The following PTPN14 variants were observed in gnomAD, a reference collection of about 807,000 sequenced individuals.
PTPN14 encodes protein tyrosine phosphatase non-receptor type 14, also known as tyrosine-protein phosphatase non-receptor type 14.
Under a neutral mutation model 126.8 loss-of-function variants are expected in PTPN14, and 53 were observed. The ratio of observed to expected loss-of-function variants is 0.42; its 90% confidence interval spans 0.34 to 0.53. The LOEUF (loss-of-function observed/expected upper bound fraction) is 0.53. Ranked by LOEUF, PTPN14 falls within the 20% of genes least tolerant of loss-of-function variation. The probability of loss-of-function intolerance (pLI) is 0.08; values close to 1 mark genes in which losing one functional copy is unlikely to be tolerated. For missense variants in PTPN14, 1,257 were observed against 1,552.9 expected, an observed-to-expected ratio of 0.81 and a Z score of 3.20; for synonymous variants, 630 against 599.3, an observed-to-expected ratio of 1.05 and a Z score of -0.75.
At chr1:214,393,405 T>C (rs1658802836) in intron 10 of PTPN14, among the ~76,000 whole-genome samples, 1 of 152,198 alleles carries the variant, frequency 6.6e-6, no homozygotes, top group Admixed American at 6.5e-5. Flanking sequence ...GCACCGCTTC[T>C]CCAAACTTCT....
At chr1:214,441,942 A>G (rs984051809) in intron 3 of PTPN14, among the ~76,000 whole-genome samples, 4 of 152,370 alleles carry the variant, frequency 2.6e-5, no homozygotes, top group African/African-American at 9.6e-5. Flanking sequence ...ACTAATAAAG[A>G]ACAATTTGGA....
intron 16 of PTPN14, 42 bp downstream of exon 16, chr1:214,372,669 T>C (rs1229272548): frequency 6.2e-7 from 1 of 1,613,100 alleles, no homozygotes; most frequent in South Asian, 1.1e-5. Flanking sequence ...GGCCACCCTT[T>C]CCCCTGGGGA....
At chr1:214,540,637 C>T (rs899270816) in intron 1 of PTPN14, among the ~76,000 whole-genome samples, 2 of 152,128 alleles carry the variant, frequency 1.3e-5, no homozygotes, top group African/African-American at 4.8e-5. Flanking sequence ...TACTTCCCAA[C>T]TGGGACTCAC....
intron 1 of PTPN14, among the ~76,000 whole-genome samples, chr1:214,519,879 CT>C (rs1655199816): frequency 6.6e-6 from 1 of 151,408 alleles, no homozygotes; most frequent in Non-Finnish European, 1.5e-5. Flanking sequence ...AAAGTTCTGT[CT>C]CTACAAAAAA....
intron 18 of PTPN14, 105 bp from the exon 19 acceptor site, chr1:214,358,155 G>T: frequency 7.2e-7 from 1 of 1,392,762 alleles, no homozygotes; most frequent in Non-Finnish European, 9.7e-7. Context: ...CCATGTCCAG[G>T]TACAAGAGAA....
At chr1:214,494,578 A>C (rs1442803144) in intron 1 of PTPN14, among the ~76,000 whole-genome samples, 2 of 152,200 alleles carry the variant, frequency 1.3e-5, no homozygotes, top group Admixed American at 6.5e-5. Flanking sequence ...GTTGTGGTGC[A>C]TTGTTATTGT....
chr1:214,536,361 T>C (rs1381961190), intron 1 of PTPN14, among the ~76,000 whole-genome samples: 5 of 152,032 alleles, frequency 3.3e-5, no homozygotes, highest in Non-Finnish European at 5.9e-5. Context: ...TGAGCTATAA[T>C]CACACCACTG....
At chr1:214,369,428 G>A in intron 17 of PTPN14, 29 bp downstream of exon 17, 1 of 1,588,634 alleles carries the variant, frequency 6.3e-7, no homozygotes, top group Non-Finnish European at 8.6e-7. Context: ...AAGTCAGTCA[G>A]GTAGCAGACT....
chr1:214,511,713 T>G (rs1299446699), intron 1 of PTPN14, among the ~76,000 whole-genome samples: 2 of 152,148 alleles, frequency 1.3e-5, no homozygotes, highest in African/African-American at 4.8e-5. Context: ...GAAGAGATAT[T>G]TGCACACCCA....
intron 1 of PTPN14, among the ~76,000 whole-genome samples, chr1:214,505,017 A>G (rs546312265): frequency 6.6e-6 from 1 of 152,276 alleles, no homozygotes; most frequent in East Asian, 1.9e-4. Flanking sequence ...GAAAAAGTAG[A>G]TGAATTCTGT....
chr1:214,403,365 C>G (rs893087080), intron 5 of PTPN14, among the ~76,000 whole-genome samples: 6 of 152,322 alleles, frequency 3.9e-5, no homozygotes, highest in African/African-American at 1.2e-4. Flanking sequence ...TAGGAAGGGA[C>G]TGTGCCAGGC....
intron 1 of PTPN14, among the ~76,000 whole-genome samples, chr1:214,465,971 T>TTTTTTTTTTTTTG (rs1660628103): frequency 6.5e-5 from 9 of 138,130 alleles, no homozygotes; most frequent in Non-Finnish European, 4.6e-5. Context: ...TTTTTTTTTT[T>TTTTTTTTTTTTTG]GTGAAGACGG....
intron 5 of PTPN14, among the ~76,000 whole-genome samples, chr1:214,410,837 A>G (rs1027742572): frequency 3.9e-5 from 6 of 152,000 alleles, no homozygotes; most frequent in South Asian, 2.1e-4. Context: ...CTAGTCCCAT[A>G]TTGTTTTAAT....
intron 1 of PTPN14, among the ~76,000 whole-genome samples, chr1:214,543,683 G>T (rs1338361515): frequency 1.3e-5 from 2 of 151,498 alleles, no homozygotes; most frequent in Non-Finnish European, 2.9e-5. Flanking sequence ...CCAGGCTGGT[G>T]TGCAGTGGTG....
At chr1:214,393,613 A>C (rs1658809483) in intron 10 of PTPN14, 82 bp downstream of exon 10, 1 of 1,114,064 alleles carries the variant, frequency 9.0e-7, no homozygotes, top group Non-Finnish European at 1.3e-6. Flanking sequence ...GTGAATAGGA[A>C]AAGAGATCTA....
chr1:214,524,344 C>T (rs916060693), intron 1 of PTPN14, among the ~76,000 whole-genome samples: 5 of 152,028 alleles, frequency 3.3e-5, no homozygotes, highest in South Asian at 2.1e-4. Context: ...ACAGTATGCA[C>T]GTATCAAGGC....
chr1:214,542,350 A>G (rs1300423771), intron 1 of PTPN14, among the ~76,000 whole-genome samples: 6 of 152,272 alleles, frequency 3.9e-5, no homozygotes, highest in Non-Finnish European at 8.8e-5. Flanking sequence ...GCCCGCACCA[A>G]GAGAGGGGAC....
chr1:214,472,053 G>A (rs1660771798), intron 1 of PTPN14, among the ~76,000 whole-genome samples: 1 of 152,196 alleles, frequency 6.6e-6, no homozygotes, highest in South Asian at 2.1e-4. Flanking sequence ...AAAGACCTGT[G>A]TGGGCGTCAG....
chr1:214,538,303 G>T (rs1304981383), intron 1 of PTPN14, among the ~76,000 whole-genome samples: 1 of 152,156 alleles, frequency 6.6e-6, no homozygotes, highest in Non-Finnish European at 1.5e-5. Context: ...AGAGAGAACG[G>T]GTTCACATGC....
Sources: allele counts gnomAD v4.1 joint callset (sites outside exome capture counted in the v4.1 genomes callset), GRCh38; gene constraint gnomAD v4.1.1; transcripts MANE v1.5; gene names NCBI Gene and HGNC (gene_info 2026-07-23, HGNC 2026-07-21).